Variants in MACROD1 observed in about 807,000 individuals in gnomAD.
MACROD1 encodes ADP-ribose glycohydrolase MACROD1.
Under a neutral mutation model 41.4 loss-of-function variants are expected in MACROD1, and 31 were observed. That is an observed-to-expected ratio of 0.75 (90% confidence interval 0.56 to 1.01). The LOEUF is 1.01. Ranked by LOEUF, MACROD1 falls within the 50% of genes least tolerant of loss-of-function variation. The pLI is 0.00. For missense variants in MACROD1, 473 were observed against 460.0 expected, an observed-to-expected ratio of 1.03 and a Z score of -0.26; for synonymous variants, 252 against 203.4, an observed-to-expected ratio of 1.24 and a Z score of -2.03.
chr11:64,000,763 A>G (rs1228568419), intron 4 of MACROD1, among the ~76,000 whole-genome samples: 1 of 151,748 alleles, frequency 6.6e-6, no homozygotes. Flanking sequence ...AGGGCCCGCG[A>G]CCAGTCGCTG....
intron 1 of MACROD1, among the ~76,000 whole-genome samples, chr11:64,158,767 C>G (rs1008454419): frequency 6.6e-6 from 1 of 152,170 alleles, no homozygotes; most frequent in Non-Finnish European, 1.5e-5. Context: ...CGCCAGATAC[C>G]GACAAGGGCC....
At chr11:64,031,513 T>C (rs1943295538) in intron 3 of MACROD1, among the ~76,000 whole-genome samples, 1 of 135,338 alleles carries the variant, frequency 7.4e-6, no homozygotes, top group South Asian at 2.4e-4. Flanking sequence ...AGTCTCACTC[T>C]GTCGCCCAGG....
intron 3 of MACROD1, among the ~76,000 whole-genome samples, chr11:64,018,284 G>A (rs1223337498): frequency 1.3e-5 from 2 of 152,192 alleles, no homozygotes; most frequent in Non-Finnish European, 2.9e-5. Flanking sequence ...ACGTCCCACG[G>A]GTGGGGGGGC....
chr11:64,076,678 C>A (rs1178422234), intron 3 of MACROD1, among the ~76,000 whole-genome samples: 2 of 152,196 alleles, frequency 1.3e-5, no homozygotes, highest in Non-Finnish European at 2.9e-5. Context: ...TAAGAACACA[C>A]AGCTCAGAAA....
chr11:64,045,854 A>C (rs577485941), intron 3 of MACROD1, among the ~76,000 whole-genome samples: 3 of 152,294 alleles, frequency 2.0e-5, no homozygotes, highest in Non-Finnish European at 2.9e-5. Flanking sequence ...TGGGAGGCTG[A>C]GGCAGGAGGA....
At chr11:64,047,032 C>T (rs991600708) in intron 3 of MACROD1, among the ~76,000 whole-genome samples, 2 of 152,204 alleles carry the variant, frequency 1.3e-5, no homozygotes, top group African/African-American at 2.4e-5. Flanking sequence ...GCACCAGCCT[C>T]GCCCCAGTGC....
intron 3 of MACROD1, among the ~76,000 whole-genome samples, chr11:64,094,744 CT>C (rs1555021868): frequency 6.6e-6 from 1 of 152,242 alleles, no homozygotes; most frequent in Non-Finnish European, 1.5e-5. Flanking sequence ...ATGCTGACCC[CT>C]ATCTACCAGG....
intron 3 of MACROD1, among the ~76,000 whole-genome samples, chr11:64,026,236 G>C (rs1943222850): frequency 6.6e-6 from 1 of 152,012 alleles, no homozygotes; most frequent in African/African-American, 2.4e-5. Context: ...TGTTGCCCAG[G>C]CTGGTCTTGA....
intron 3 of MACROD1, among the ~76,000 whole-genome samples, chr11:64,037,401 T>A (rs915135657): frequency 6.6e-6 from 1 of 150,850 alleles, no homozygotes; most frequent in African/African-American, 2.4e-5. Flanking sequence ...AGCTACTGCA[T>A]CTCTTCCGCC....
intron 3 of MACROD1, among the ~76,000 whole-genome samples, chr11:64,110,029 G>T (rs616563): frequency 3.3e-5 from 5 of 151,974 alleles, no homozygotes; most frequent in Middle Eastern, 6.8e-3. Context: ...CACTCAGGAG[G>T]GGGTACTCTG....
rs1944031959 is a variant in MACROD1, at chr11:64,067,751, G to C, written c.518-52470C>G. Among the ~76,000 whole-genome samples the C allele has an allele frequency of 6.6e-6, 1 of 152,204 alleles. No individual in the cohort carries two copies. Among genetic ancestry groups the C allele is most frequent in the Admixed American group, 6.5e-5 (1 of 15,290 alleles). ...CACCGCAGGCTGCCACCCCCAGCTTGTGAACTGGGGGTGGCCCCAGAGCTG... is the reference window on the plus strand; with the variant it reads ...CACCGCAGGCTGCCACCCCCAGCTTCTGAACTGGGGGTGGCCCCAGAGCTG... On this transcript the variant is annotated intron_variant, in intron 3 of 10. Transcript: ENST00000255681. This position sits in a 1 kb window ranked among gnomAD's most constrained non-coding sequence, Gnocchi z 4.6.
Position 64,038,867 on chromosome 11 carries a change from C to T in MACROD1, c.518-23586G>A, listed in dbSNP as rs372226502. On this transcript the variant is annotated intron_variant, in intron 3 of 10. Transcript: ENST00000255681. ...TTTCTCTACCTGGCCTGCTAACCTT[C>T]GGCAAGTGACCCGTCTTCCTCATCT... is the stretch of plus-strand genomic sequence containing the variant. Among the ~76,000 whole-genome samples the T allele has an allele frequency of 1.1e-4, 17 of 152,300 alleles. No homozygotes were observed. In the East Asian group the frequency reaches 1.5e-3, roughly 14 times the overall value.
chr11:64,059,363 G>C (rs1053038679), intron 3 of MACROD1, among the ~76,000 whole-genome samples: 2 of 152,222 alleles, frequency 1.3e-5, no homozygotes, highest in African/African-American at 4.8e-5. Flanking sequence ...CTTATCCCAA[G>C]AGGCTCGCAG....
intron 3 of MACROD1, among the ~76,000 whole-genome samples, chr11:64,145,808 C>T (rs1203536397): frequency 6.6e-6 from 1 of 151,722 alleles, no homozygotes; most frequent in Admixed American, 6.6e-5. Context: ...TGTCACCCAG[C>T]AACCAGGATG....
At chr11:64,139,772 C>G (rs756437739) in intron 3 of MACROD1, among the ~76,000 whole-genome samples, 3 of 151,860 alleles carry the variant, frequency 2.0e-5, no homozygotes, top group Non-Finnish European at 4.4e-5. Flanking sequence ...CTGGCTAACA[C>G]GGTGAAACCC....
chr11:64,014,740 C>T (rs1182975965), intron 4 of MACROD1, among the ~76,000 whole-genome samples: 1 of 152,218 alleles, frequency 6.6e-6, no homozygotes, highest in Non-Finnish European at 1.5e-5. Flanking sequence ...CTCTGACCTC[C>T]TGCCTGCCTG....
chr11:64,053,634 AG>A (rs537401415), intron 3 of MACROD1, among the ~76,000 whole-genome samples: 44 of 152,216 alleles, frequency 2.9e-4, no homozygotes, highest in African/African-American at 1.0e-3. Context: ...GGGGATCTAC[AG>A]GGGGCAGCTG....
chr11:64,035,873 C>A (rs977810259), intron 3 of MACROD1: 2 of 146,618 alleles, frequency 1.4e-5, no homozygotes, highest in African/African-American at 4.9e-5. Flanking sequence ...CTGGTCCCCG[C>A]CCCGCCGCCG....
intron 4 of MACROD1, among the ~76,000 whole-genome samples, chr11:64,002,514 G>A (rs567684573): frequency 6.6e-6 from 1 of 152,264 alleles, no homozygotes; most frequent in South Asian, 2.1e-4. Flanking sequence ...CCCAGGGAGG[G>A]GCTCCCCTAA....
Sources: gnomAD v4.1 joint callset for allele counts (sites outside exome capture counted in the v4.1 genomes callset) on GRCh38, gnomAD v4.1.1 for gene constraint, Gnocchi (gnomAD v3.1) non-coding constraint, MANE v1.5 for transcripts, NCBI Gene and HGNC (gene_info 2026-07-23, HGNC 2026-07-21) for gene names.